The following CNTN5 variants were observed in gnomAD, a reference collection of about 807,000 sequenced individuals.
CNTN5 encodes the protein contactin-5.
A neutral mutation model predicts 129.1 loss-of-function variants in CNTN5; 77 were observed. The observed-to-expected ratio is 0.60, with a 90% CI of 0.50 to 0.72. CNTN5 has a LOEUF of 0.72. Ranked by LOEUF, CNTN5 falls within the 30% of genes least tolerant of loss-of-function variation. CNTN5 has a pLI of 0.00. For missense variants in CNTN5, 1,478 were observed against 1,328.8 expected, an observed-to-expected ratio of 1.11 and a Z score of -1.75; for synonymous variants, 509 against 465.6, an observed-to-expected ratio of 1.09 and a Z score of -1.20.
intron 2 of CNTN5, among the ~76,000 whole-genome samples, chr11:99,519,361 T>TA (rs1478105574): frequency 2.0e-5 from 3 of 152,092 alleles, no homozygotes; most frequent in Non-Finnish European, 4.4e-5. Context: ...CCTTACAGTT[T>TA]GTTCACAGCA....
intron 1 of CNTN5, among the ~76,000 whole-genome samples, chr11:99,135,230 T>C (rs1308472651): frequency 6.6e-6 from 1 of 151,966 alleles, no homozygotes; most frequent in African/African-American, 2.4e-5. Flanking sequence ...AGTAAATACA[T>C]ATAAAAATAA....
intron 3 of CNTN5, among the ~76,000 whole-genome samples, chr11:99,621,066 C>T (rs12808473): frequency 0.011 from 1,668 of 151,708 alleles, 30 homozygotes; most frequent in African/African-American, 0.038. Context: ...TGGAGTACGG[C>T]GTCTGTGGTA....
At chr11:99,047,879 C>T (rs1864275796) in intron 1 of CNTN5, among the ~76,000 whole-genome samples, 1 of 151,896 alleles carries the variant, frequency 6.6e-6, no homozygotes, top group Non-Finnish European at 1.5e-5. Context: ...TTGACTTGTA[C>T]TCTTGAAGGA....
At chr11:99,096,758 C>G (rs370439313) in intron 1 of CNTN5, among the ~76,000 whole-genome samples, 2 of 151,708 alleles carry the variant, frequency 1.3e-5, no homozygotes. Flanking sequence ...CATTCAAAAA[C>G]TAGTCTACTA....
chr11:99,913,417 C>A (rs776857941), intron 6 of CNTN5, among the ~76,000 whole-genome samples: 1 of 151,336 alleles, frequency 6.6e-6, no homozygotes, highest in Non-Finnish European at 1.5e-5. Context: ...AAAGTACAGA[C>A]TTCTTTTTAG....
intron 3 of CNTN5, among the ~76,000 whole-genome samples, chr11:99,738,651 G>GTT (rs1355359385): frequency 9.2e-5 from 14 of 151,570 alleles, no homozygotes; most frequent in Non-Finnish European, 1.8e-4. Flanking sequence ...GTATGTGTGT[G>GTT]TAGAACCTGG....
At chr11:99,761,194 G>A (rs1401135457) in intron 3 of CNTN5, among the ~76,000 whole-genome samples, 3 of 151,984 alleles carry the variant, frequency 2.0e-5, no homozygotes, top group African/African-American at 7.2e-5. Context: ...AGTTGAAGGA[G>A]GTTGCCTTTA....
chr11:99,741,555 A>G (rs1943888545), intron 3 of CNTN5, among the ~76,000 whole-genome samples: 1 of 152,168 alleles, frequency 6.6e-6, no homozygotes, highest in South Asian at 2.1e-4. Flanking sequence ...GACATCAGTA[A>G]GCAAATGTTC....
At chr11:99,201,383 T>TTCCTTCCTTCCTTCCTTCCTTCC (rs1859192868) in intron 1 of CNTN5, among the ~76,000 whole-genome samples, 1 of 26,050 alleles carries the variant, frequency 3.8e-5, no homozygotes, top group Non-Finnish European at 7.2e-5. Context: ...TCCTTCCTTC[T>TTCCTTCCTTCCTTCCTTCCTTCC]TTCCTTCCTT....
chr11:100,119,078 T>C (rs1025409146), intron 13 of CNTN5, among the ~76,000 whole-genome samples: 1 of 151,778 alleles, frequency 6.6e-6, no homozygotes, highest in Admixed American at 6.6e-5. Flanking sequence ...CAGACATTCT[T>C]TGAATGTCAC....
At chr11:99,463,443 GAAAA>G (rs66933434) in intron 2 of CNTN5, among the ~76,000 whole-genome samples, 5 of 126,892 alleles carry the variant, frequency 3.9e-5, no homozygotes, top group African/African-American at 1.5e-4. Flanking sequence ...GTCTCAAAAA[GAAAA>G]AAAAAAAAAA....
intron 3 of CNTN5, among the ~76,000 whole-genome samples, chr11:99,563,826 C>T (rs1459407039): frequency 7.2e-5 from 11 of 152,054 alleles, no homozygotes; most frequent in Admixed American, 3.3e-4. Flanking sequence ...AGGAAAATCC[C>T]CAGTTTACAA....
At chr11:99,092,112 A>G (rs1417198647) in intron 1 of CNTN5, among the ~76,000 whole-genome samples, 1 of 152,130 alleles carries the variant, frequency 6.6e-6, no homozygotes, top group Non-Finnish European at 1.5e-5. Context: ...TTTGTTGTTT[A>G]GTTTATTGTT....
At chr11:99,033,488 G>C (rs11218133) in intron 1 of CNTN5, among the ~76,000 whole-genome samples, 3,085 of 151,938 alleles carry the variant, frequency 0.02, 33 homozygotes, top group Non-Finnish European at 0.025. Context: ...CTTCACATCC[G>C]TTGTAAGTTG....
At chr11:99,667,892 C>A (rs954363041) in intron 3 of CNTN5, among the ~76,000 whole-genome samples, 1 of 151,956 alleles carries the variant, frequency 6.6e-6, no homozygotes, top group Non-Finnish European at 1.5e-5. Context: ...CACCATGGCA[C>A]CCATATACCT....
chr11:99,305,564 A>G (rs1483250681), intron 1 of CNTN5, among the ~76,000 whole-genome samples: 1 of 152,168 alleles, frequency 6.6e-6, no homozygotes, highest in Non-Finnish European at 1.5e-5. Flanking sequence ...GCAAAAAAAC[A>G]ATTTTTCTCT....
chr11:99,673,878 G>A (rs544007143), intron 3 of CNTN5, among the ~76,000 whole-genome samples: 18 of 152,262 alleles, frequency 1.2e-4, no homozygotes, highest in Admixed American at 3.3e-4. Flanking sequence ...TTGATTCCCT[G>A]TCTTTGCTAT....
chr11:99,076,224 A>G (rs928479056), intron 1 of CNTN5, among the ~76,000 whole-genome samples: 4 of 152,226 alleles, frequency 2.6e-5, no homozygotes, highest in Admixed American at 1.3e-4. Context: ...AACCTCAGCT[A>G]TTCAGGAGGC....
chr11:99,081,152 A>G (rs1054125600), intron 1 of CNTN5, among the ~76,000 whole-genome samples: 1 of 152,148 alleles, frequency 6.6e-6, no homozygotes, highest in Non-Finnish European at 1.5e-5. Context: ...CCCATTGTAC[A>G]TTGCTTTTTC....
Sources: gnomAD v4.1 joint callset for allele counts (sites outside exome capture counted in the v4.1 genomes callset) on GRCh38, gnomAD v4.1.1 for gene constraint, MANE v1.5 for transcripts, NCBI Gene and HGNC (gene_info 2026-07-23, HGNC 2026-07-21) for gene names.